Variants in AFF3 observed in about 807,000 individuals in gnomAD.
AFF3 encodes the protein ALF transcription elongation factor 3, also known as AF4/FMR2 family member 3.
In AFF3, 32 loss-of-function variants were observed where a neutral mutation model predicts 129.7. The ratio of observed to expected loss-of-function variants is 0.25; its 90% confidence interval spans 0.19 to 0.33. AFF3 has a LOEUF of 0.33. AFF3 is among the 10% of genes least tolerant of loss of function. AFF3 has a pLI of 1.00. For missense variants in AFF3, 1,373 were observed against 1,592.0 expected, an observed-to-expected ratio of 0.86 and a Z score of 2.34; for synonymous variants, 644 against 635.4, an observed-to-expected ratio of 1.01 and a Z score of -0.20.
chr2:99,593,860 T>C lies in AFF3; in HGVS notation c.1801A>G (p.Asn601Asp). Residue 601 changes from asparagine (N) to aspartate (D), a missense_variant, in exon 15 of 25, where the codon AAC (asparagine) becomes GAC (aspartate). By Grantham distance (23) the Asn-to-Asp change is conservative. Transcript: ENST00000672756. ...GCGGGCTCCTCGGGCCGGTGGCAGT[T>C]GGCGCCGTCCCCGGCTGAGGTCCTC... ...TERTSAGDGA[N>D]CHRPEEPAAA... 1 of 1,581,490 alleles carries C rather than the reference T, an allele frequency of 6.3e-7. No individual in the cohort carries two copies. Among genetic ancestry groups the C allele is most frequent in the East Asian group, 2.3e-5 (1 of 43,864 alleles).
intron 4 of AFF3, among the ~76,000 whole-genome samples, chr2:100,079,763 C>T (rs1573364877): frequency 6.6e-6 from 1 of 152,144 alleles, no homozygotes; most frequent in Non-Finnish European, 1.5e-5. Flanking sequence ...CTAGTGTTTG[C>T]TCCTTGGTCT....
At chr2:99,570,954 TC>T (rs1676423940) in intron 18 of AFF3, among the ~76,000 whole-genome samples, 1 of 152,244 alleles carries the variant, frequency 6.6e-6, no homozygotes, top group South Asian at 2.1e-4. Flanking sequence ...CCTCTGTCCT[TC>T]CTGAGCTCAC....
intron 8 of AFF3, among the ~76,000 whole-genome samples, chr2:99,825,915 C>T (rs944680218): frequency 6.6e-6 from 1 of 152,118 alleles, no homozygotes; most frequent in Non-Finnish European, 1.5e-5. Flanking sequence ...GGGGATGGTA[C>T]CTTGAACCAT....
intron 7 of AFF3, among the ~76,000 whole-genome samples, chr2:99,992,101 T>C (rs540339505): frequency 6.6e-6 from 1 of 152,248 alleles, no homozygotes; most frequent in African/African-American, 2.4e-5. Flanking sequence ...TCCTTTAAAT[T>C]TAAGCTTAAA....
rs147542529 is a variant in AFF3, at chr2:99,813,464, G to T, written c.921+24013C>A. ...TTAATAAGAATTCACTTTGCCTTCA[G>T]GCTGATCCTACTGAAGTTATGAAAC... On this transcript the variant is annotated intron_variant, in intron 8 of 24. Coordinates refer to ENST00000672756, the MANE Select transcript of AFF3 (RefSeq NM_001386135.1). Among the ~76,000 whole-genome samples, 332 of 152,310 alleles carry T rather than the reference G, an allele frequency of 2.2e-3. 2 individuals are homozygous for T. Among genetic ancestry groups the T allele is most frequent in the Non-Finnish European group, 2.5e-3 (167 of 68,026 alleles).
At chr2:99,612,332 T>C (rs1681016664) in intron 13 of AFF3, among the ~76,000 whole-genome samples, 1 of 152,240 alleles carries the variant, frequency 6.6e-6, no homozygotes, top group Non-Finnish European at 1.5e-5. Flanking sequence ...TCTGCTATAG[T>C]TCCTGCCCAT....
intron 11 of AFF3, among the ~76,000 whole-genome samples, chr2:99,717,680 T>C (rs1678517870): frequency 6.6e-6 from 1 of 152,252 alleles, no homozygotes. Flanking sequence ...ACTTTTCATT[T>C]TGATGAGCAG....
chr2:99,874,483 C>A (rs1053935999), intron 7 of AFF3, among the ~76,000 whole-genome samples: 2 of 152,068 alleles, frequency 1.3e-5, no homozygotes, highest in Non-Finnish European at 2.9e-5. Context: ...TCCCTTTAGT[C>A]AACGAGACAG....
chr2:99,857,844 T>C (rs1392608657), intron 7 of AFF3, among the ~76,000 whole-genome samples: 1 of 152,238 alleles, frequency 6.6e-6, no homozygotes, highest in Admixed American at 6.5e-5. Flanking sequence ...ACCCATGGAA[T>C]TCAAGATCTC....
At chr2:99,615,538 G>A (rs1681335787) in intron 13 of AFF3, among the ~76,000 whole-genome samples, 5 of 152,278 alleles carry the variant, frequency 3.3e-5, no homozygotes, top group Admixed American at 3.3e-4. Flanking sequence ...TGGGATGGGA[G>A]CTGCCATGTG....
chr2:100,107,049 A>C, intron 2 of AFF3: 2 of 985,412 alleles, frequency 2.0e-6, no homozygotes, highest in Non-Finnish European at 1.2e-6. Flanking sequence ...GTATTTAAAA[A>C]TGTTTCTTTA....
rs146827284 is a variant in AFF3, at chr2:99,849,130, GC to G, written c.874-11607del. On this transcript the variant is annotated intron_variant, in intron 7 of 24. Coordinates refer to ENST00000672756, the MANE Select transcript of AFF3 (RefSeq NM_001386135.1). ...ATGATTCCACTTCTACCTCACTTCT[GC>G]CTGCACACCATAAACCATCCTCAAA... 1.0e-3 allele frequency among the ~76,000 whole-genome samples: 152 copies of G among 152,060 alleles called. 4 individuals are homozygous for G. In the East Asian group the frequency reaches 0.027, roughly 27 times the overall value.
chr2:99,868,016 C>CTTTTTTTTTTT (rs531223035), intron 7 of AFF3, among the ~76,000 whole-genome samples: 3 of 136,166 alleles, frequency 2.2e-5, no homozygotes, highest in African/African-American at 3.4e-5. Flanking sequence ...CTCTTTCTTT[C>CTTTTTTTTTTT]CTTTTTTTTT....
intron 18 of AFF3, among the ~76,000 whole-genome samples, chr2:99,569,865 A>G (rs1676317354): frequency 6.6e-6 from 1 of 152,264 alleles, no homozygotes; most frequent in Non-Finnish European, 1.5e-5. Flanking sequence ...TGTTTAGCCA[A>G]TGATTACATG....
intron 1 of AFF3, among the ~76,000 whole-genome samples, chr2:100,136,785 G>A (rs890657999): frequency 2.0e-5 from 3 of 152,022 alleles, no homozygotes; most frequent in African/African-American, 7.2e-5. Flanking sequence ...AAATGCATTG[G>A]AATTTTAATT....
rs764752937 is a variant in AFF3 at position 99,593,706 on chromosome 2, G to A, written c.1955C>T (p.Thr652Met). 2 of 1,610,120 alleles carry A rather than the reference G, an allele frequency of 1.2e-6. No individual in the cohort carries two copies. The highest frequency in any genetic ancestry group is 1.7e-6 in the Non-Finnish European group (2 of 1,177,838). The change falls in exon 15 of 25, where the codon ACG becomes ATG. Residue 652 changes from threonine to methionine, a missense_variant. Transcript: ENST00000672756. ...RSSVTCEKRRTRGLSRIVPKS... is the reference protein window; with the variant it reads ...RSSVTCEKRRMRGLSRIVPKS... ...GGGGACGATCCTGCTTAGCCCCCGC[G>A]TGCGGCGCTTCTCGCAGGTCACGGA...
At chr2:99,976,115 T>G (rs545428378) in intron 7 of AFF3, among the ~76,000 whole-genome samples, 1 of 152,234 alleles carries the variant, frequency 6.6e-6, no homozygotes, top group South Asian at 2.1e-4. Flanking sequence ...CAAAATTAAA[T>G]TCTATTAGAT....
chr2:100,067,576 C>G (rs1427140611), intron 4 of AFF3, among the ~76,000 whole-genome samples: 4 of 152,154 alleles, frequency 2.6e-5, no homozygotes, highest in Admixed American at 2.6e-4. Context: ...GAAGAAGAGT[C>G]TAAATTCCAT....
intron 4 of AFF3, among the ~76,000 whole-genome samples, chr2:100,085,789 T>C (rs1378025488): frequency 1.3e-5 from 2 of 152,156 alleles, no homozygotes; most frequent in Non-Finnish European, 2.9e-5. Flanking sequence ...GGATACTGGT[T>C]TCTCTCCACA....
Sources: allele counts gnomAD v4.1 joint callset (sites outside exome capture counted in the v4.1 genomes callset), GRCh38; gene constraint gnomAD v4.1.1; transcripts MANE v1.5; gene names NCBI Gene and HGNC (gene_info 2026-07-23, HGNC 2026-07-21).